The following RAPGEF4 variants were observed in gnomAD, a reference collection of about 807,000 sequenced individuals.
RAPGEF4 encodes the protein RAP guanine-nucleotide-exchange factor (GEF) 4.
In RAPGEF4, 66 loss-of-function variants were observed where a neutral mutation model predicts 147.9. The observed-to-expected ratio is 0.45, with a 90% confidence interval of 0.37 to 0.55. RAPGEF4 has a LOEUF of 0.55. Ranked by LOEUF, RAPGEF4 falls within the 20% of genes least tolerant of loss-of-function variation. The probability of loss-of-function intolerance (pLI) is 0.00; values close to 1 mark genes in which losing one functional copy is unlikely to be tolerated. For synonymous variants in RAPGEF4, 419 were observed against 442.7 expected (o/e 0.95, Z 0.67); for missense variants, 1,071 against 1,257.3 (o/e 0.85, Z 2.24).
intron 29 of RAPGEF4, 46 bp from the exon 30 acceptor site, chr2:173,048,554 A>G (rs374729086): frequency 6.8e-6 from 11 of 1,613,204 alleles, no homozygotes; most frequent in Non-Finnish European, 9.3e-6. Context: ...ATTGTACTCT[A>G]CGCTTACTTG....
chr2:173,008,061 C>T (rs1011574434), intron 17 of RAPGEF4, among the ~76,000 whole-genome samples: 7 of 77,912 alleles, frequency 9.0e-5, no homozygotes, highest in African/African-American at 2.4e-4. Flanking sequence ...GTGATTAGAT[C>T]GGGTGTGGCC....
chr2:172,746,254 T>C (rs1320913969), intron 1 of RAPGEF4, among the ~76,000 whole-genome samples: 1 of 152,216 alleles, frequency 6.6e-6, no homozygotes, highest in African/African-American at 2.4e-5. Context: ...ACCTTTATAT[T>C]CCATTGCTTT....
intron 5 of RAPGEF4, among the ~76,000 whole-genome samples, chr2:172,921,831 T>C (rs1300260850): frequency 1.3e-5 from 2 of 152,258 alleles, no homozygotes; most frequent in Non-Finnish European, 2.9e-5. Flanking sequence ...TTTTCCAATG[T>C]CTTTCATGTG....
chr2:172,739,049 C>G (rs1036413381), intron 1 of RAPGEF4, among the ~76,000 whole-genome samples: 3 of 152,206 alleles, frequency 2.0e-5, no homozygotes, highest in Non-Finnish European at 4.4e-5. Flanking sequence ...GAAACAAAAT[C>G]TATAGCTTTT....
At chr2:172,760,457 G>A (rs149942308) in intron 1 of RAPGEF4, among the ~76,000 whole-genome samples, 14 of 152,320 alleles carry the variant, frequency 9.2e-5, no homozygotes, top group Middle Eastern at 3.4e-3. Flanking sequence ...GGTGGCTCAC[G>A]CCTGTAATCC....
chr2:172,978,203 C>A (rs913980231), intron 10 of RAPGEF4, among the ~76,000 whole-genome samples: 4 of 151,936 alleles, frequency 2.6e-5, no homozygotes, highest in African/African-American at 9.7e-5. Flanking sequence ...GTCACACCCC[C>A]CCCAGAGCTT....
Position 172,988,729 on chromosome 2 carries a change from G to A in RAPGEF4, c.1264G>A (p.Gly422Ser), listed in dbSNP as rs1692523400. 5 of 1,612,406 alleles carry A rather than the reference G, an allele frequency of 3.1e-6. No homozygotes were observed. The highest frequency in any genetic ancestry group is 2.2e-5 in the East Asian group (1 of 44,886). The change falls in exon 14 of 31, where the codon GGC becomes AGC. Residue 422 changes from glycine to serine, a missense_variant. Gly to Ser is a moderately conservative substitution (Grantham distance 56, BLOSUM62 0). Transcript: ENST00000397081. ...VCTLHEGDDFGKLALVNDAPR... is the reference protein window; with the variant it reads ...VCTLHEGDDFSKLALVNDAPR... The stretch of plus-strand genomic sequence containing the variant: ...CACCCTGCATGAAGGAGATGACTTC[G>A]GCAAGTTAGCACTAGTGAATGATGC...
At chr2:172,859,811 C>T (rs1019704707) in intron 4 of RAPGEF4, among the ~76,000 whole-genome samples, 2 of 152,148 alleles carry the variant, frequency 1.3e-5, no homozygotes, top group African/African-American at 4.8e-5. Context: ...TTTCCTGAGG[C>T]CATCTACTGT....
intron 4 of RAPGEF4, among the ~76,000 whole-genome samples, chr2:172,843,301 A>G (rs1373542619): frequency 6.6e-6 from 1 of 152,224 alleles, no homozygotes; most frequent in Non-Finnish European, 1.5e-5. Context: ...GTTATGAGCT[A>G]AGTAAAAATA....
chr2:172,854,306 A>G (rs1405339511), intron 4 of RAPGEF4, among the ~76,000 whole-genome samples: 1 of 151,788 alleles, frequency 6.6e-6, no homozygotes, highest in Non-Finnish European at 1.5e-5. Flanking sequence ...TAGGTGAATT[A>G]CCCTTTTTAT....
At chr2:172,772,587 G>A (rs951019343) in intron 1 of RAPGEF4, among the ~76,000 whole-genome samples, 5 of 151,934 alleles carry the variant, frequency 3.3e-5, no homozygotes, top group African/African-American at 9.7e-5. Context: ...CAAGTGATCC[G>A]CCTGCCTCAG....
Position 172,933,985 on chromosome 2 carries a change from C to T in RAPGEF4, c.537+11685C>T, listed in dbSNP as rs530894171. On this transcript the variant is annotated intron_variant, in intron 6 of 30. Transcript: ENST00000397081. ...AATTTATTCTCTTAATTAGTTTAAT[C>T]ATTCTTTTTACAGTTTCTTACACTA... Among the ~76,000 whole-genome samples, 71 of 152,200 alleles carry T rather than the reference C, an allele frequency of 4.7e-4. 1 individual carries two copies. Among genetic ancestry groups the T allele is most frequent in the African/African-American group, 1.6e-3 (68 of 41,524 alleles).
In RAPGEF4 at chr2:173,042,912, GC is replaced by G. The variant is rs1289548716; in HGVS notation, c.2854-5687del. ...ATGCATGTGTTACACATGCGTATCT[GC>G]ATGTCATACACCTCTTGGATACTAA... On this transcript the variant is annotated intron_variant, in intron 29 of 30. Transcript: ENST00000397081. The surrounding 1 kb of genome is among the most constrained non-coding windows in gnomAD (Gnocchi z 4.2). 6.6e-6 allele frequency among the ~76,000 whole-genome samples: 1 copy of G among 152,198 alleles called. No homozygotes were observed. The highest frequency in any genetic ancestry group is 2.4e-5 in the African/African-American group (1 of 41,444).
rs942691608 is a variant in RAPGEF4, at chr2:172,785,709, A to G, written c.66-9316A>G. On this transcript the variant is annotated intron_variant, in intron 1 of 30. Transcript: ENST00000397081. ...TACATTCCTATAAGATGACAGTGTTATCATAGTCTGCTAATGTGGTCCATT... is the reference window on the plus strand; with the variant it reads ...TACATTCCTATAAGATGACAGTGTTGTCATAGTCTGCTAATGTGGTCCATT... Among the ~76,000 whole-genome samples the G allele has an allele frequency of 9.2e-5, 14 of 152,342 alleles. 1 individual carries two copies. Among genetic ancestry groups the G allele is most frequent in the African/African-American group, 3.4e-4 (14 of 41,580 alleles).
chr2:173,038,965 A>G (rs1026245182), intron 29 of RAPGEF4, among the ~76,000 whole-genome samples: 7 of 152,166 alleles, frequency 4.6e-5, no homozygotes, highest in African/African-American at 9.7e-5. Flanking sequence ...TCCTCTCCCC[A>G]TTTCTGCACT....
At position 172,787,902 on chromosome 2, in the gene RAPGEF4, G is replaced by A. The variant is rs544808117; in HGVS notation, c.66-7123G>A. On this transcript the variant is annotated intron_variant, in intron 1 of 30. Transcript: ENST00000397081. ...CCCAAAATGCTGGAATTACAGGTGT[G>A]AGCCACCATGCCCTGGCTAACAAAG... Among the ~76,000 whole-genome samples the A allele has an allele frequency of 5.3e-5, 8 of 152,298 alleles. No homozygotes were observed. The South Asian group carries it at 1.5e-3, about 28-fold the overall frequency.
At chr2:172,811,347 C>T (rs76020680) in intron 3 of RAPGEF4, among the ~76,000 whole-genome samples, 6,626 of 152,260 alleles carry the variant, frequency 0.044, 182 homozygotes, top group Middle Eastern at 0.061. Context: ...TCTTTACTTC[C>T]CTTTTGAAAG....
chr2:172,883,050 G>A (rs1201993847), intron 4 of RAPGEF4, among the ~76,000 whole-genome samples: 11 of 151,980 alleles, frequency 7.2e-5, no homozygotes, highest in Admixed American at 7.2e-4. Flanking sequence ...GCAGGAACAT[G>A]GTCAGAAGAC....
At chr2:173,006,522 A>G (rs1439092547) in intron 17 of RAPGEF4, among the ~76,000 whole-genome samples, 4 of 152,334 alleles carry the variant, frequency 2.6e-5, no homozygotes, top group Non-Finnish European at 2.9e-5. Flanking sequence ...AGAAAAAAAT[A>G]TAGAACATGG....
Sources: gnomAD v4.1 joint callset for allele counts (sites outside exome capture counted in the v4.1 genomes callset) on GRCh38, gnomAD v4.1.1 for gene constraint, Gnocchi (gnomAD v3.1) non-coding constraint, MANE v1.5 for transcripts, NCBI Gene and HGNC (gene_info 2026-07-23, HGNC 2026-07-21) for gene names.